PARD6B: variants seen among roughly 807,000 people sequenced by gnomAD.
PARD6B encodes the protein par-6 family cell polarity regulator beta.
Under a neutral mutation model 10.5 loss-of-function variants are expected in PARD6B, and 4 were observed. The observed-to-expected ratio is 0.38, with a 90% CI of 0.19 to 0.87. The LOEUF (loss-of-function observed/expected upper bound fraction) is 0.87, where lower values mean the gene tolerates loss of function less well. PARD6B is among the 40% of genes least tolerant of loss of function. The pLI is 0.41. For missense variants in PARD6B, 396 were observed against 470.6 expected, an observed-to-expected ratio of 0.84 and a Z score of 1.47; for synonymous variants, 169 against 170.4, an observed-to-expected ratio of 0.99 and a Z score of 0.07.
chr20:50,746,520 T>C (rs2087568474), intron 2 of PARD6B, among the ~76,000 whole-genome samples: 1 of 152,256 alleles, frequency 6.6e-6, no homozygotes, highest in Non-Finnish European at 1.5e-5. Flanking sequence ...GCTCTGATAG[T>C]GTTCAGGTAG....
In PARD6B at chr20:50,750,346, G is replaced by A. The variant is rs139111657; in HGVS notation, c.977G>A (p.Ser326Asn). 4 of 1,614,216 alleles carry A rather than the reference G, an allele frequency of 2.5e-6. No homozygotes were observed. The East Asian group carries it at 8.9e-5, about 36-fold the overall frequency. Reference protein sequence around the residue: ...SLESLTQIELSFESGQNGFIP... With the variant: ...SLESLTQIELNFESGQNGFIP... ...GAGTCATTAACACAGATAGAGCTAA[G>A]CTTTGAGTCTGGACAGAATGGCTTT... Residue 326 changes from serine (S) to asparagine (N), a missense_variant, in exon 3 of 3, where the codon AGC becomes AAC. Ser to Asn is a conservative substitution (Grantham distance 46, BLOSUM62 1). Coordinates refer to ENST00000371610, the MANE Select transcript of PARD6B (RefSeq NM_032521.3).
At chr20:50,739,215 G>A (rs75667965) in intron 2 of PARD6B, among the ~76,000 whole-genome samples, 5,036 of 152,082 alleles carry the variant, frequency 0.033, 277 homozygotes, top group African/African-American at 0.11. Flanking sequence ...GGGAGGTGGA[G>A]GCGGGCGGAT....
At chr20:50,733,800 A>T (rs990221983) in intron 1 of PARD6B, among the ~76,000 whole-genome samples, 1 of 152,222 alleles carries the variant, frequency 6.6e-6, no homozygotes, top group African/African-American at 2.4e-5. Flanking sequence ...TAATCTTGGT[A>T]GCAAGTCTTT....
chr20:50,744,105 CT>C (rs753435244), intron 2 of PARD6B, among the ~76,000 whole-genome samples: 1,549 of 77,778 alleles, frequency 0.02, 6 homozygotes, highest in Non-Finnish European at 0.027. Flanking sequence ...GAAGTAGCTT[CT>C]TTTTTTTTTT....
chr20:50,745,905 G>C (rs2087565321), intron 2 of PARD6B, among the ~76,000 whole-genome samples: 1 of 152,098 alleles, frequency 6.6e-6, no homozygotes, highest in Non-Finnish European at 1.5e-5. Flanking sequence ...ACAGAAAACG[G>C]TTGTCAACCC....
Position 50,753,228 on chromosome 20 carries a change from T to TAGCAGGATAGA in PARD6B, c.*2740_*2741insAGCAGGATAGA. 2 of 985,328 alleles carry TAGCAGGATAGA rather than the reference T, an allele frequency of 2.0e-6. No individual in the cohort carries two copies. The highest frequency in any genetic ancestry group is 2.4e-6 in the Non-Finnish European group (2 of 829,416). The allele number at this position is 985,328 out of a possible 1,614,324, so 61.0% of individuals were successfully genotyped here. ...AAGCTGCTATTGCTTTTTATTTTAA[T>TAGCAGGATAGA]TATCCTGTTAAGGGTATCTATCAAT... On this transcript the variant is annotated 3_prime_UTR_variant, in exon 3 of 3. Coordinates refer to ENST00000371610, the MANE Select transcript of PARD6B (RefSeq NM_032521.3).
At position 50,731,723 on chromosome 20, in the gene PARD6B, C is replaced by A; in HGVS notation, c.-64C>A. ...TTTCCGAGATCCCCAGTCGCGCACT[C>A]GCTCCCCGCGCTCCTGAGGGGCCGC... On this transcript the variant is annotated 5_prime_UTR_variant, in exon 1 of 3. Coordinates refer to ENST00000371610, the MANE Select transcript of PARD6B (RefSeq NM_032521.3). 1.5e-6 allele frequency: 2 copies of A among 1,357,868 alleles called. No homozygotes were observed. Among genetic ancestry groups the A allele is most frequent in the Non-Finnish European group, 1.9e-6 (2 of 1,051,240 alleles). 84.1% of individuals were successfully genotyped at this position (1,357,868 alleles called of 1,614,324 possible).
chr20:50,735,743 A>T (rs2087496241), intron 1 of PARD6B, among the ~76,000 whole-genome samples: 1 of 152,196 alleles, frequency 6.6e-6, no homozygotes, highest in African/African-American at 2.4e-5. Context: ...TGTTTTTATC[A>T]TAACAGTTAA....
intron 1 of PARD6B, among the ~76,000 whole-genome samples, chr20:50,737,503 C>T (rs2087505937): frequency 6.6e-6 from 1 of 152,120 alleles, no homozygotes. Context: ...TTTGGTACCC[C>T]ATGATGCACC....
At chr20:50,737,714 TAGTA>T (rs762412785) in intron 1 of PARD6B, 139 bp from the exon 2 acceptor site, 1 of 607,550 alleles carries the variant, frequency 1.6e-6, no homozygotes, top group Non-Finnish European at 2.7e-6. Flanking sequence ...AAATCCCTGA[TAGTA>T]AGGTTCTTCA....
At chr20:50,744,341 C>A (rs1018913559) in intron 2 of PARD6B, among the ~76,000 whole-genome samples, 101 of 151,842 alleles carry the variant, frequency 6.7e-4, no homozygotes, top group African/African-American at 2.4e-3. Context: ...TGCGAACTCC[C>A]GACCTCTGGT....
intron 1 of PARD6B, among the ~76,000 whole-genome samples, chr20:50,733,227 C>CT (rs1347997415): frequency 6.6e-6 from 1 of 152,206 alleles, no homozygotes; most frequent in African/African-American, 2.4e-5. Context: ...CCAGACCAGC[C>CT]TGGCCAACAT....
At chr20:50,743,580 T>C (rs2087542829) in intron 2 of PARD6B, among the ~76,000 whole-genome samples, 1 of 152,164 alleles carries the variant, frequency 6.6e-6, no homozygotes, top group Non-Finnish European at 1.5e-5. Flanking sequence ...TTGTAAATTA[T>C]AGTTTTAACA....
At chr20:50,739,902 G>A (rs2087522224) in intron 2 of PARD6B, among the ~76,000 whole-genome samples, 1 of 151,994 alleles carries the variant, frequency 6.6e-6, no homozygotes, top group Admixed American at 6.5e-5. Context: ...GTGGCGGGAA[G>A]GTAGGAGGGG....
Position 50,751,462 on chromosome 20 carries a change from T to A in PARD6B, c.*974T>A. On this transcript the variant is annotated 3_prime_UTR_variant, in exon 3 of 3. Transcript: ENST00000371610. ...GCTCTACCTCCTGGGTTCACACCAT[T>A]CTCCTGCCTCAGCCTCCCAAGTAGC... 1 of 747,024 alleles carries A rather than the reference T, an allele frequency of 1.3e-6. No individual in the cohort carries two copies. Among genetic ancestry groups the A allele is most frequent in the South Asian group, 6.2e-5 (1 of 16,238 alleles). The allele number at this position is 747,024 out of a possible 1,614,324, so 46.3% of individuals were successfully genotyped here.
Position 50,749,666 on chromosome 20 carries a change from A to C in PARD6B, c.297A>C (p.Ala99=). 6.4e-7 allele frequency: 1 copy of C among 1,571,682 alleles called. No individual in the cohort carries two copies. Among genetic ancestry groups the C allele is most frequent in the Non-Finnish European group, 8.6e-7 (1 of 1,164,842 alleles). Residue 99 remains alanine, a synonymous_variant, in exon 3 of 3, where the codon GCA becomes GCC. Coordinates refer to ENST00000371610, the MANE Select transcript of PARD6B (RefSeq NM_032521.3). ...LRIFIQKKEE[A]DYSAFGTDTL... ...TGTTTTATTTTTAAACAGAAGAAGCAGACTACAGTGCCTTTGGTACAGACA... is the reference window on the plus strand; with the variant it reads ...TGTTTTATTTTTAAACAGAAGAAGCCGACTACAGTGCCTTTGGTACAGACA...
In PARD6B at chr20:50,749,914, C is replaced by T. The variant is rs776056940; in HGVS notation, c.545C>T (p.Thr182Ile). 1 of 1,614,206 alleles carries T rather than the reference C, an allele frequency of 6.2e-7. No individual in the cohort carries two copies. The highest frequency in any genetic ancestry group is 8.5e-7 in the Non-Finnish European group (1 of 1,180,040). Residue 182 changes from threonine (T) to isoleucine (I), a missense_variant, in exon 3 of 3, where the codon ACA becomes ATA. Coordinates refer to ENST00000371610, the MANE Select transcript of PARD6B (RefSeq NM_032521.3). Reference protein sequence around the residue: ...YIRDGSSVRVTPHGLEKVPGI... With the variant: ...YIRDGSSVRVIPHGLEKVPGI... ...CGGGATGGCTCCAGTGTCAGGGTAA[C>T]ACCACATGGCTTAGAAAAGGTTCCA...
chr20:50,749,729 G>C lies in PARD6B; in HGVS notation c.360G>C (p.Leu120Phe), dbSNP rs752733732. 9.3e-6 allele frequency: 15 copies of C among 1,613,922 alleles called. No individual in the cohort carries two copies. The highest frequency in any genetic ancestry group is 1.2e-5 in the Non-Finnish European group (14 of 1,179,996). Residue 120 changes from leucine (L) to phenylalanine (F), a missense_variant, in exon 3 of 3, where the codon TTG (leucine) becomes TTC (phenylalanine). By Grantham distance (22) the Leu-to-Phe change is conservative (BLOSUM62 0). Transcript: ENST00000371610. ...AGAAGAATGTTTTAACCAACGTATT[G>C]CGTCCTGACAACCATAGAAAAAAGC... ...IKKKNVLTNV[L>F]RPDNHRKKPH...
At chr20:50,746,410 G>C (rs2087568014) in intron 2 of PARD6B, among the ~76,000 whole-genome samples, 1 of 152,208 alleles carries the variant, frequency 6.6e-6, no homozygotes, top group East Asian at 1.9e-4. Flanking sequence ...CGGTGCTGCT[G>C]TATCAGCCCA....
Sources: allele counts gnomAD v4.1 joint callset (sites outside exome capture counted in the v4.1 genomes callset), GRCh38; gene constraint gnomAD v4.1.1; transcripts MANE v1.5; gene names NCBI Gene and HGNC (gene_info 2026-07-23, HGNC 2026-07-21).